PIERCE1: variants seen among roughly 807,000 people sequenced by gnomAD.
PIERCE1 encodes piercer of microtubule wall 1, also known as piercer of microtubule wall 1 protein.
chr9:135,497,956 A>C, the PIERCE1 span, among the ~76,000 whole-genome samples: 3 of 152,208 alleles, frequency 2.0e-5, no homozygotes, highest in East Asian at 3.8e-4. Flanking sequence ...TGGCTGGCCC[A>C]GTGTCCCAGG....
the PIERCE1 span, chr9:135,498,437 C>T: frequency 1.6e-6 from 1 of 644,412 alleles, no homozygotes; most frequent in Non-Finnish European, 2.7e-6. The surrounding 1 kb of genome is among the most constrained non-coding windows in gnomAD (Gnocchi z 4.1). Context: ...CCTCCCTCCT[C>T]CCCATTTGTG....
the PIERCE1 span, among the ~76,000 whole-genome samples, chr9:135,497,338 T>C: frequency 1.3e-4 from 20 of 152,150 alleles, no homozygotes; most frequent in African/African-American, 4.1e-4. Context: ...CATTTTTTCA[T>C]GGCCTTTTAT....
the PIERCE1 span, chr9:135,495,435 A>G: frequency 2.5e-6 from 4 of 1,613,384 alleles, no homozygotes; most frequent in Non-Finnish European, 3.4e-6. Context: ...CCTCAATCGC[A>G]GATGGATGGC....
the PIERCE1 span, chr9:135,498,653 C>A: frequency 4.3e-6 from 7 of 1,613,882 alleles, 1 homozygote; most frequent in South Asian, 6.6e-5. The surrounding 1 kb of genome is among the most constrained non-coding windows in gnomAD (Gnocchi z 4.1). Flanking sequence ...ACGGAGACAG[C>A]CTTCTGGGTC....
chr9:135,498,835 C>T, the PIERCE1 span: 2,772 of 635,190 alleles, frequency 4.4e-3, 53 homozygotes, highest in African/African-American at 0.042. This position sits in a 1 kb window ranked among gnomAD's most constrained non-coding sequence, Gnocchi z 4.1. Context: ...GGCTGATGAC[C>T]GTTCTGAATG....
At chr9:135,495,452 ATGT>A in the PIERCE1 span, 1 of 1,613,910 alleles carries the variant, frequency 6.2e-7, no homozygotes, top group Non-Finnish European at 8.5e-7. Context: ...TGGCCTGTTG[ATGT>A]TGTAACTGGG....
chr9:135,498,073 C>T, the PIERCE1 span, among the ~76,000 whole-genome samples: 1 of 152,082 alleles, frequency 6.6e-6, no homozygotes, highest in African/African-American at 2.4e-5. This position sits in a 1 kb window ranked among gnomAD's most constrained non-coding sequence, Gnocchi z 4.1. Context: ...AGGTCAAGCT[C>T]AAAAAGGGTT....
chr9:135,498,252 G>A, the PIERCE1 span, among the ~76,000 whole-genome samples: 3 of 152,048 alleles, frequency 2.0e-5, no homozygotes, highest in East Asian at 1.9e-4. The surrounding 1 kb of genome is among the most constrained non-coding windows in gnomAD (Gnocchi z 4.1). Context: ...ACTGAGCACC[G>A]TAAGTTGCAG....
chr9:135,499,798 C>G, the PIERCE1 span: 15 of 1,604,292 alleles, frequency 9.3e-6, no homozygotes, highest in Admixed American at 8.5e-5. Flanking sequence ...CCGGCGGGGC[C>G]GTGGCCTTGG....
At chr9:135,498,777 A>AT in the PIERCE1 span, 1 of 957,664 alleles carries the variant, frequency 1.0e-6, no homozygotes, top group South Asian at 1.4e-5. This position sits in a 1 kb window ranked among gnomAD's most constrained non-coding sequence, Gnocchi z 4.1. Flanking sequence ...AAAGAGCAAT[A>AT]TGCCCGGGCT....
chr9:135,498,397 T>A, the PIERCE1 span, among the ~76,000 whole-genome samples: 1 of 152,110 alleles, frequency 6.6e-6, no homozygotes, highest in Admixed American at 6.6e-5. The surrounding 1 kb of genome is among the most constrained non-coding windows in gnomAD (Gnocchi z 4.1). Context: ...TTTAGTTCCA[T>A]CCTACCCTCT....
At chr9:135,499,764 C>T in the PIERCE1 span, 2 of 1,607,238 alleles carry the variant, frequency 1.2e-6, no homozygotes, top group Non-Finnish European at 8.5e-7. Context: ...TCCGCGCTCA[C>T]GCGGTAGTAG....
At chr9:135,499,808 GGCGCCACAGGCTCCGCGCAC>G in the PIERCE1 span, 1 of 1,603,598 alleles carries the variant, frequency 6.2e-7, no homozygotes, top group Non-Finnish European at 8.5e-7. Context: ...CGTGGCCTTG[GGCGCCACAGGCTCCGCGCAC>G]GCTCTGGGGC....
At chr9:135,498,206 CA>C in the PIERCE1 span, among the ~76,000 whole-genome samples, 5 of 150,916 alleles carry the variant, frequency 3.3e-5, no homozygotes, top group African/African-American at 7.3e-5. The surrounding 1 kb of genome is among the most constrained non-coding windows in gnomAD (Gnocchi z 4.1). Flanking sequence ...AGTACAATTC[CA>C]AAAAAAAAGT....
the PIERCE1 span, among the ~76,000 whole-genome samples, chr9:135,498,170 T>C: frequency 6.6e-6 from 1 of 152,084 alleles, no homozygotes; most frequent in Non-Finnish European, 1.5e-5. This position sits in a 1 kb window ranked among gnomAD's most constrained non-coding sequence, Gnocchi z 4.1. Flanking sequence ...TACTGCCTCT[T>C]CAGGTTACAC....
chr9:135,495,372 T>A, the PIERCE1 span: 1 of 1,499,618 alleles, frequency 6.7e-7, no homozygotes, highest in Non-Finnish European at 9.1e-7. Context: ...TGAGGGATGA[T>A]GATTTTCCAG....
chr9:135,499,660 G>A, the PIERCE1 span: 1 of 1,596,520 alleles, frequency 6.3e-7, no homozygotes, highest in Non-Finnish European at 8.5e-7. Flanking sequence ...TCACACACGG[G>A]GCTATCGAGC....
At chr9:135,499,404 C>T in the PIERCE1 span, 3 of 636,106 alleles carry the variant, frequency 4.7e-6, no homozygotes, top group Middle Eastern at 2.5e-4. Flanking sequence ...GCTCACGCCC[C>T]GCAGCGGAGT....
At chr9:135,498,135 A>AC in the PIERCE1 span, among the ~76,000 whole-genome samples, 1 of 152,090 alleles carries the variant, frequency 6.6e-6, no homozygotes, top group African/African-American at 2.4e-5. This position sits in a 1 kb window ranked among gnomAD's most constrained non-coding sequence, Gnocchi z 4.1. Context: ...CAACTTGCCC[A>AC]CCCACAAGCT....
Sources: gnomAD v4.1 joint callset for allele counts (sites outside exome capture counted in the v4.1 genomes callset) on GRCh38, gnomAD v4.1.1 for gene constraint, Gnocchi (gnomAD v3.1) non-coding constraint, MANE v1.5 for transcripts, NCBI Gene and HGNC (gene_info 2026-07-23, HGNC 2026-07-21) for gene names.